Variants in ZMYND11 observed in about 807,000 individuals in gnomAD.
The protein encoded by ZMYND11 is zinc finger MYND-type containing 11, also known as zinc finger MYND domain-containing protein 11.
Under a neutral mutation model 84.9 loss-of-function variants are expected in ZMYND11, and 9 were observed. That is an observed-to-expected ratio of 0.11 (90% CI 0.06 to 0.18). The LOEUF (loss-of-function observed/expected upper bound fraction) is 0.18. Ranked by LOEUF, ZMYND11 falls within the 10% of genes least tolerant of loss-of-function variation. The pLI, the probability that ZMYND11 is intolerant of heterozygous loss-of-function variation, is 1.00. For synonymous variants in ZMYND11, 250 were observed against 244.1 expected (o/e 1.02, Z -0.23); for missense variants, 409 against 761.0 (o/e 0.54, Z 5.44).
At chr10:234,139 A>G (rs1236973318) in intron 4 of ZMYND11, among the ~76,000 whole-genome samples, 4 of 152,258 alleles carry the variant, frequency 2.6e-5, no homozygotes, top group Admixed American at 2.6e-4. Flanking sequence ...AGCAGTGCAT[A>G]ATCTTTGCCC....
rs528445330 is a variant in ZMYND11, at chr10:179,565, G to T, written c.-19-429G>T. On this transcript the variant is annotated intron_variant, in intron 1 of 14. Transcript: ENST00000381604. ...ATATCTATGTATGTATATAAAATTT[G>T]ATTTTTAAGCCATGATTATAATAAA... Among the ~76,000 whole-genome samples, 377 of 152,138 alleles carry T rather than the reference G, an allele frequency of 2.5e-3. 1 individual carries two copies. The highest frequency in any genetic ancestry group is 3.1e-3 in the Non-Finnish European group (211 of 67,994).
intron 4 of ZMYND11, among the ~76,000 whole-genome samples, chr10:236,588 G>GAA (rs1340222306): frequency 6.6e-6 from 1 of 151,698 alleles, no homozygotes; most frequent in African/African-American, 2.4e-5. Context: ...ACCAAGAAAA[G>GAA]AAAAAATATA....
chr10:252,365 G>C lies in ZMYND11; in HGVS notation c.1704G>C (p.Glu568Asp). 6.2e-7 allele frequency: 1 copy of C among 1,614,084 alleles called. No homozygotes were observed. Residue 568 changes from glutamate to aspartate, a missense_variant, in exon 15 of 15, where the codon GAG (glutamate) becomes GAC (aspartate). This residue lies in a region of ZMYND11 where 16 missense variants were observed against 57.7 expected (regional missense o/e 0.28). Transcript: ENST00000381604. This position sits in a 1 kb window ranked among gnomAD's most constrained non-coding sequence, Gnocchi z 4.6. ...KKKQWCYNCE[E>D]EAMYHCCWNT... ...ACCTGCAGTGCTACAACTGTGAGGAGGAGGCCATGTACCACTGCTGCTGGA... is the reference window on the plus strand; with the variant it reads ...ACCTGCAGTGCTACAACTGTGAGGACGAGGCCATGTACCACTGCTGCTGGA...
At chr10:189,258 A>G (rs575962471) in intron 2 of ZMYND11, among the ~76,000 whole-genome samples, 1 of 152,328 alleles carries the variant, frequency 6.6e-6, no homozygotes, top group East Asian at 1.9e-4. Context: ...GTGAAATTTC[A>G]ACTAGGTACA....
At chr10:170,400 A>G (rs1168772540) in intron 1 of ZMYND11, among the ~76,000 whole-genome samples, 2 of 150,812 alleles carry the variant, frequency 1.3e-5, no homozygotes, top group South Asian at 2.1e-4. Flanking sequence ...TTTCGAAACA[A>G]TAATAGTAAC....
intron 5 of ZMYND11, 64 bp from the exon 6 acceptor site, chr10:237,521 G>C (rs1242569799): frequency 1.0e-6 from 1 of 975,286 alleles, no homozygotes. Flanking sequence ...TTGAGCTTTA[G>C]GAATTGATGT....
upstream of ZMYND11, chr10:135,407 A>T: frequency 6.7e-6 from 1 of 149,414 alleles, no homozygotes; most frequent in South Asian, 2.0e-4. This position sits in a 1 kb window ranked among gnomAD's most constrained non-coding sequence, Gnocchi z 5.6. Context: ...GGAGGCCGGC[A>T]GGGAGGAGGA....
chr10:210,089 T>G (rs1235419087), intron 3 of ZMYND11, 41 bp downstream of exon 3: 1 of 1,599,310 alleles, frequency 6.3e-7, no homozygotes, highest in South Asian at 1.1e-5. Flanking sequence ...ATGTGAACTT[T>G]TAGCTTTTAA....
At chr10:247,548 C>T in intron 12 of ZMYND11, 82 bp downstream of exon 12, 1 of 1,423,272 alleles carries the variant, frequency 7.0e-7, no homozygotes, top group South Asian at 1.2e-5. Flanking sequence ...CAAAGTATTT[C>T]AAAGACAGTC....
Position 246,815 on chromosome 10 carries a change from C to G in ZMYND11, c.1000C>G (p.Arg334Gly). 6 of 1,614,098 alleles carry G rather than the reference C, an allele frequency of 3.7e-6. No homozygotes were observed. Among genetic ancestry groups the G allele is most frequent in the Non-Finnish European group, 4.2e-6 (5 of 1,180,022 alleles). Residue 334 changes from arginine (R) to glycine (G), a missense_variant, in exon 11 of 15, where the codon CGG (arginine) becomes GGG (glycine). Physicochemically the swap from Arg to Gly is moderately radical, Grantham distance 125 (BLOSUM62 -2). Coordinates refer to ENST00000381604, the MANE Select transcript of ZMYND11 (RefSeq NM_001370100.5). ...TCAAGATATCACAGTCAACATTCAT[C>G]GGCTGCACGTGAAGCGCAGTATGGG... ...NIQDITVNIH[R>G]LHVKRSMGWK...
intron 1 of ZMYND11, among the ~76,000 whole-genome samples, chr10:156,965 A>C (rs1841860492): frequency 1.3e-5 from 2 of 152,198 alleles, no homozygotes; most frequent in African/African-American, 4.8e-5. Flanking sequence ...TTCTAATGGC[A>C]GACAAGAGGG....
At chr10:198,101 A>C in intron 2 of ZMYND11, 1 of 398,798 alleles carries the variant, frequency 2.5e-6, no homozygotes, top group Non-Finnish European at 4.5e-6. Context: ...ATAATTTATA[A>C]TGGCCAAAAT....
At position 240,754 on chromosome 10, in the gene ZMYND11, A is replaced by G. The variant is rs1589217040; in HGVS notation, c.754-139A>G. On this transcript the variant is annotated intron_variant, in intron 8 of 14. Coordinates refer to ENST00000381604, the MANE Select transcript of ZMYND11 (RefSeq NM_001370100.5). ...CCAGTACCATTTATTGAAAACTTTA[A>G]AATTTAGGCTTAAAAGATTAAGAAA... The G allele has an allele frequency of 1.0e-5, 7 of 682,130 alleles. No individual in the cohort carries two copies. In the East Asian group the frequency reaches 2.0e-4, roughly 19 times the overall value. 42.3% of individuals were successfully genotyped at this position (682,130 alleles called of 1,614,324 possible). A position where few individuals can be genotyped will look rare whatever the true frequency, so the allele number is the denominator to read the frequency against.
chr10:220,494 C>T (rs1010320938), intron 3 of ZMYND11, among the ~76,000 whole-genome samples: 2 of 152,104 alleles, frequency 1.3e-5, no homozygotes, highest in Admixed American at 1.3e-4. Context: ...TGTGTACCTA[C>T]AGTTGTGTTC....
chr10:239,628 C>T (rs1481213422), intron 7 of ZMYND11, 103 bp downstream of exon 7: 117 of 831,024 alleles, frequency 1.4e-4, no homozygotes, highest in African/African-American at 3.4e-5. Flanking sequence ...GAATTAATAC[C>T]TTAATGATCT....
rs774279960 is a variant in ZMYND11 at position 248,485 on chromosome 10, C to T, written c.1377C>T (p.Asn459=). The T allele has an allele frequency of 7.4e-6, 12 of 1,614,184 alleles. No individual in the cohort carries two copies. Among genetic ancestry groups the T allele is most frequent in the South Asian group, 5.5e-5 (5 of 91,076 alleles). ...TGCATCGGAGCACCCAGACCACAAACGACGGCGTGTGTCAGAGCATGTGCC... is the reference window on the plus strand; with the variant it reads ...TGCATCGGAGCACCCAGACCACAAATGACGGCGTGTGTCAGAGCATGTGCC... ...RMLHRSTQTT[N]DGVCQSMCHD... is the part of the protein sequence containing the mutation. Residue 459 remains asparagine (N), a synonymous_variant, in exon 13 of 15, where the codon AAC becomes AAT. Transcript: ENST00000381604.
chr10:158,977 G>GTTT (rs1378319956), intron 1 of ZMYND11, among the ~76,000 whole-genome samples: 10 of 117,662 alleles, frequency 8.5e-5, no homozygotes, highest in East Asian at 7.8e-4. Context: ...GATTTGCAGG[G>GTTT]TTTTTTGTTT....
chr10:242,294 TTCCAGATATTTTTCAGATATTGTG>T (rs1483976041), intron 10 of ZMYND11, among the ~76,000 whole-genome samples, 155 bp downstream of exon 10: 1 of 152,268 alleles, frequency 6.6e-6, no homozygotes, highest in African/African-American at 2.4e-5. Context: ...GATAAATTGT[TTCCAGATATTTTTCAGATATTGTG>T]TACTAAACAG....
intron 1 of ZMYND11, among the ~76,000 whole-genome samples, chr10:161,912 C>T (rs1183305588): frequency 2.6e-5 from 4 of 152,308 alleles, no homozygotes; most frequent in African/African-American, 9.6e-5. Context: ...ACTGAAAGAA[C>T]GCTTTTAATT....
Sources: gnomAD v4.1 joint callset for allele counts (sites outside exome capture counted in the v4.1 genomes callset) on GRCh38, gnomAD v4.1.1 for gene constraint, gnomAD v4.1.1 regional missense constraint, Gnocchi (gnomAD v3.1) non-coding constraint, MANE v1.5 for transcripts, NCBI Gene and HGNC (gene_info 2026-07-23, HGNC 2026-07-21) for gene names.